MSRB3: variants seen among roughly 807,000 people sequenced by gnomAD.
MSRB3 encodes methionine sulfoxide reductase B3.
Under a neutral mutation model 21.0 loss-of-function variants are expected in MSRB3, and 13 were observed. The ratio of observed to expected loss-of-function variants is 0.62; its 90% CI spans 0.40 to 0.98. The LOEUF is 0.98. Ranked by LOEUF, MSRB3 falls within the 50% of genes least tolerant of loss-of-function variation. The probability of loss-of-function intolerance (pLI) is 0.00; values close to 1 mark genes in which losing one functional copy is unlikely to be tolerated. For missense variants in MSRB3, 199 were observed against 230.3 expected (o/e 0.86, Z 0.88); for synonymous variants, 87 against 88.6 (o/e 0.98, Z 0.10).
chr12:65,298,129 G>A (rs1873093597), intron 1 of MSRB3, among the ~76,000 whole-genome samples: 1 of 151,904 alleles, frequency 6.6e-6, no homozygotes, highest in African/African-American at 2.4e-5. Flanking sequence ...TCAGCGTTCC[G>A]AGTAGCTGGA....
At chr12:65,350,013 G>A (rs1876828766) in intron 4 of MSRB3, among the ~76,000 whole-genome samples, 1 of 151,036 alleles carries the variant, frequency 6.6e-6, no homozygotes, top group Non-Finnish European at 1.5e-5. Flanking sequence ...GTGATGCCTA[G>A]GTTTTCTTCT....
chr12:65,396,704 A>AAAAAAAG (rs1383726558), intron 5 of MSRB3, among the ~76,000 whole-genome samples: 1 of 54,134 alleles, frequency 1.8e-5, no homozygotes, highest in Non-Finnish European at 3.7e-5. Flanking sequence ...AAAAAAAAAA[A>AAAAAAAG]AAAGAAAGAA....
intron 5 of MSRB3, among the ~76,000 whole-genome samples, chr12:65,387,736 A>G (rs1307079448): frequency 2.0e-5 from 3 of 152,210 alleles, no homozygotes; most frequent in Non-Finnish European, 2.9e-5. Context: ...AGAATTAAAT[A>G]AAATAACATA....
chr12:65,288,078 G>A (rs1872479564), intron 1 of MSRB3, among the ~76,000 whole-genome samples: 1 of 152,024 alleles, frequency 6.6e-6, no homozygotes, highest in South Asian at 2.1e-4. Context: ...GCTGAGTCGG[G>A]CGGATCACGA....
At chr12:65,353,581 G>A (rs1372977048) in intron 4 of MSRB3, among the ~76,000 whole-genome samples, 6 of 152,072 alleles carry the variant, frequency 3.9e-5, no homozygotes, top group Non-Finnish European at 8.8e-5. Flanking sequence ...TTGCTTGGTA[G>A]ATCTTCCTCC....
intron 5 of MSRB3, among the ~76,000 whole-genome samples, chr12:65,379,018 T>A (rs1399092951): frequency 6.6e-6 from 1 of 152,262 alleles, no homozygotes; most frequent in Non-Finnish European, 1.5e-5. Context: ...GGATTGCTGT[T>A]GAGTACAGAC....
rs1008202046 is a variant in MSRB3, at chr12:65,347,948, G to A, written c.263+19345G>A. 5.9e-5 allele frequency among the ~76,000 whole-genome samples: 9 copies of A among 152,274 alleles called. 2 individuals carry two copies. The highest frequency in any genetic ancestry group is 5.9e-4 in the Admixed American group (9 of 15,278). ...CAGGGATGAAGCCCACTTGATCATGGTGGATAAGCTTTTTGATGTGCTGCT... is the reference window on the plus strand; with the variant it reads ...CAGGGATGAAGCCCACTTGATCATGATGGATAAGCTTTTTGATGTGCTGCT... On this transcript the variant is annotated intron_variant, in intron 4 of 6. Coordinates refer to ENST00000308259, the MANE Select transcript of MSRB3 (RefSeq NM_001031679.3).
rs116686564 is a variant in MSRB3 at position 65,313,635 on chromosome 12, A to C, written c.76+4980A>C. On this transcript the variant is annotated intron_variant, in intron 2 of 6. Coordinates refer to ENST00000308259, the MANE Select transcript of MSRB3 (RefSeq NM_001031679.3). ...CACATGAACCCAATCTAAAACTCGG[A>C]TCAGAACACCGTGTTTCTGATTTCT... Among the ~76,000 whole-genome samples, 1,229 of 152,154 alleles carry C rather than the reference A, an allele frequency of 8.1e-3. 18 individuals carry two copies. The highest frequency in any genetic ancestry group is 0.029 in the African/African-American group (1,188 of 41,542).
chr12:65,333,944 GA>G (rs1875595250), intron 4 of MSRB3, among the ~76,000 whole-genome samples: 1 of 152,200 alleles, frequency 6.6e-6, no homozygotes. Context: ...ATAGCGTGAT[GA>G]AAATGAGATG....
chr12:65,338,604 A>G (rs1875938544), intron 4 of MSRB3, among the ~76,000 whole-genome samples: 2 of 152,236 alleles, frequency 1.3e-5, no homozygotes, highest in Admixed American at 6.5e-5. Flanking sequence ...CTACATTAGA[A>G]GAAAAATTCA....
At chr12:65,435,817 C>G (rs1470487423) in intron 5 of MSRB3, among the ~76,000 whole-genome samples, 1 of 151,766 alleles carries the variant, frequency 6.6e-6, no homozygotes, top group Non-Finnish European at 1.5e-5. Flanking sequence ...GAGTTAGTAA[C>G]CCAAGGTCTG....
At chr12:65,306,510 C>G (rs116993063) in intron 1 of MSRB3, among the ~76,000 whole-genome samples, 2,269 of 152,218 alleles carry the variant, frequency 0.015, 48 homozygotes, top group East Asian at 0.058. Context: ...TAAAATAATT[C>G]GGATAATATC....
chr12:65,382,976 A>G (rs1879022910), intron 5 of MSRB3, among the ~76,000 whole-genome samples: 1 of 152,042 alleles, frequency 6.6e-6, no homozygotes, highest in South Asian at 2.1e-4. Context: ...TTTTTTTCCA[A>G]AAGTTTTCTT....
chr12:65,348,237 C>T (rs1876666720), intron 4 of MSRB3, among the ~76,000 whole-genome samples: 1 of 152,044 alleles, frequency 6.6e-6, no homozygotes, highest in Non-Finnish European at 1.5e-5. Context: ...GGTTGGTAAG[C>T]TATTAATTAT....
rs561044377 is a variant in MSRB3 at position 65,352,126 on chromosome 12, G to T, written c.264-16872G>T. Among the ~76,000 whole-genome samples the T allele has an allele frequency of 3.4e-3, 522 of 152,154 alleles. 4 individuals carry two copies. The highest frequency in any genetic ancestry group is 0.012 in the African/African-American group (490 of 41,492). On this transcript the variant is annotated intron_variant, in intron 4 of 6. Transcript: ENST00000308259. ...AAAGCTTATCCACCATGATCAAGTG[G>T]GCTTCATCCCTGAGATGCAAGGCTG...
At chr12:65,405,205 G>T (rs1880347016) in intron 5 of MSRB3, among the ~76,000 whole-genome samples, 1 of 152,006 alleles carries the variant, frequency 6.6e-6, no homozygotes, top group Admixed American at 6.6e-5. Context: ...GCCTGCCTCA[G>T]CCTCCCAAAG....
At chr12:65,460,330 G>A (rs1302459152) in intron 6 of MSRB3, among the ~76,000 whole-genome samples, 1 of 152,174 alleles carries the variant, frequency 6.6e-6, no homozygotes, top group Non-Finnish European at 1.5e-5. Context: ...TGGGCTCCGT[G>A]CGCGTACTCT....
intron 4 of MSRB3, among the ~76,000 whole-genome samples, chr12:65,358,178 CAT>C (rs1212674960): frequency 6.6e-6 from 1 of 151,884 alleles, no homozygotes; most frequent in Non-Finnish European, 1.5e-5. Context: ...AGTACAATGG[CAT>C]GATCATAGCT....
intron 4 of MSRB3, among the ~76,000 whole-genome samples, chr12:65,330,274 T>A (rs1875324853): frequency 2.0e-5 from 3 of 152,214 alleles, no homozygotes; most frequent in Admixed American, 1.3e-4. Context: ...TATCCAAACA[T>A]AGATGCTAGT....
Sources: allele counts gnomAD v4.1 joint callset (sites outside exome capture counted in the v4.1 genomes callset), GRCh38; gene constraint gnomAD v4.1.1; transcripts MANE v1.5; gene names NCBI Gene and HGNC (gene_info 2026-07-23, HGNC 2026-07-21).